The following ZNF493 variants were observed in gnomAD, a reference collection of about 807,000 sequenced individuals.
The protein encoded by ZNF493 is zinc finger protein 493.
Under a neutral mutation model 12.2 loss-of-function variants are expected in ZNF493, and 11 were observed. The observed-to-expected ratio is 0.90, with a 90% CI of 0.57 to 1.50. ZNF493 has a LOEUF of 1.50. Ranked by LOEUF, ZNF493 falls within the 40% of genes most tolerant of loss-of-function variation. The probability of loss-of-function intolerance (pLI) is 0.00; values close to 1 mark genes in which losing one functional copy is unlikely to be tolerated. For missense variants in ZNF493, 950 were observed against 906.6 expected, an observed-to-expected ratio of 1.05 and a Z score of -0.61; for synonymous variants, 286 against 302.6, an observed-to-expected ratio of 0.95 and a Z score of 0.57.
chr19:21,407,929 T>TA (rs747987202), intron 3 of ZNF493: 848 of 985,346 alleles, frequency 8.6e-4, no homozygotes, highest in Non-Finnish European at 8.3e-4. Flanking sequence ...AAACAACTCC[T>TA]TAAGTTTTTA....
chr19:21,397,394 G>A, intron 1 of ZNF493, 127 bp downstream of exon 1: 4 of 1,202,284 alleles, frequency 3.3e-6, no homozygotes, highest in Non-Finnish European at 4.9e-6. Flanking sequence ...AGTTCTCCTT[G>A]CCCAGCTCGG....
In ZNF493 at chr19:21,425,144, C is replaced by T; in HGVS notation, c.*160C>T. 1.1e-6 allele frequency: 1 copy of T among 885,050 alleles called. No individual in the cohort carries two copies. The highest frequency in any genetic ancestry group is 1.8e-6 in the Non-Finnish European group (1 of 545,112). 54.8% of individuals were successfully genotyped at this position (885,050 alleles called of 1,614,324 possible). A position where few individuals can be genotyped will look rare whatever the true frequency, so the allele number is the denominator to read the frequency against. On this transcript the variant is annotated 3_prime_UTR_variant, in exon 4 of 4. Coordinates refer to ENST00000392288, the MANE Select transcript of ZNF493 (RefSeq NM_001076678.3). ...GCAAAGATTTCTATTGATTCTCATA[C>T]CTTACTAAATATAAGATAATTCATA...
chr19:21,417,169 G>A (rs921753960), intron 3 of ZNF493, among the ~76,000 whole-genome samples: 29 of 152,062 alleles, frequency 1.9e-4, no homozygotes, highest in African/African-American at 7.0e-4. Context: ...TTTACATTTT[G>A]GACATATTTC....
rs755076238 is a variant in ZNF493, at chr19:21,424,446, C to T, written c.1787C>T (p.Thr596Ile). 2.5e-6 allele frequency: 4 copies of T among 1,613,342 alleles called. No homozygotes were observed. In the South Asian group the frequency reaches 4.4e-5, roughly 18 times the overall value. ...STLTKHKIIH[T>I]DKKPYKCEEC... ...CTTACTAAACACAAGATAATTCATA[C>T]TGATAAGAAACCCTACAAATGTGAA... is the stretch of plus-strand genomic sequence containing the variant. The change falls in exon 4 of 4, where the codon ACT becomes ATT. Residue 596 changes from threonine to isoleucine, a missense_variant. Thr to Ile is a moderately conservative substitution (Grantham distance 89). Coordinates refer to ENST00000392288, the MANE Select transcript of ZNF493 (RefSeq NM_001076678.3).
At chr19:21,404,064 A>T (rs1405302631) in intron 1 of ZNF493, among the ~76,000 whole-genome samples, 1 of 152,194 alleles carries the variant, frequency 6.6e-6, no homozygotes, top group Non-Finnish European at 1.5e-5. Context: ...TTCTCCATTA[A>T]TTCTATGCAG....
intron 1 of ZNF493, among the ~76,000 whole-genome samples, chr19:21,401,706 A>G (rs6511238): frequency 4.0e-5 from 6 of 151,224 alleles, no homozygotes; most frequent in East Asian, 2.0e-4. Flanking sequence ...GCTCACTGCA[A>G]CCTCCACCTC....
In ZNF493 at chr19:21,405,132, C is replaced by T. The variant is rs1423329016; in HGVS notation, c.34C>T (p.Pro12Ser). 3 of 1,612,442 alleles carry T rather than the reference C, an allele frequency of 1.9e-6. No homozygotes were observed. Among genetic ancestry groups the T allele is most frequent in the Non-Finnish European group, 2.5e-6 (3 of 1,179,446 alleles). Residue 12 changes from proline to serine, a missense_variant, in exon 2 of 4, where the codon CCG (proline) becomes TCG (serine). By Grantham distance (74) the Pro-to-Ser change is moderately conservative (BLOSUM62 -1). Transcript: ENST00000392288. ...PGPPESLDMG[P>S]LTFRDVAIEF... Reference sequence around the variant, plus strand: ...TGTTTGTGTGTGTTTGTTTCAGGGGCCGTTGACATTTAGGGATGTGGCCAT... The same window carrying T: ...TGTTTGTGTGTGTTTGTTTCAGGGGTCGTTGACATTTAGGGATGTGGCCAT...
intron 3 of ZNF493, among the ~76,000 whole-genome samples, chr19:21,420,158 C>T (rs1273552386): frequency 6.6e-6 from 1 of 152,152 alleles, no homozygotes; most frequent in East Asian, 1.9e-4. Context: ...TCTGGACCTC[C>T]TGATTATAAT....
At chr19:21,420,499 C>T (rs1172285782) in intron 3 of ZNF493, among the ~76,000 whole-genome samples, 2 of 141,134 alleles carry the variant, frequency 1.4e-5, no homozygotes, top group African/African-American at 2.6e-5. Context: ...AAGGCAGTGC[C>T]AATATACTTC....
At chr19:21,413,459 T>C (rs976510319) in intron 3 of ZNF493, 2 of 404,694 alleles carry the variant, frequency 4.9e-6, no homozygotes, top group Non-Finnish European at 8.7e-6. Context: ...TGTCCCACTT[T>C]CTTCAGGTTT....
At chr19:21,401,793 T>A (rs2029954529) in intron 1 of ZNF493, among the ~76,000 whole-genome samples, 1 of 151,506 alleles carries the variant, frequency 6.6e-6, no homozygotes, top group South Asian at 2.1e-4. Flanking sequence ...CCCAGCTAAT[T>A]TTTGTATTTT....
At chr19:21,404,956 A>G (rs1168588668) in intron 1 of ZNF493, among the ~76,000 whole-genome samples, 173 bp from the exon 2 acceptor site, 1 of 150,790 alleles carries the variant, frequency 6.6e-6, no homozygotes, top group Non-Finnish European at 1.5e-5. Flanking sequence ...TCTCAGAGTT[A>G]GAGAATACAT....
intron 3 of ZNF493, among the ~76,000 whole-genome samples, chr19:21,419,327 G>A (rs1458306245): frequency 6.6e-6 from 1 of 152,098 alleles, no homozygotes; most frequent in Admixed American, 6.6e-5. Flanking sequence ...TACCACAGGG[G>A]CCTTGTATTA....
chr19:21,408,592 G>A (rs1360528455), intron 3 of ZNF493: 4 of 984,856 alleles, frequency 4.1e-6, no homozygotes, highest in Admixed American at 6.2e-5. Flanking sequence ...TTTTTTAATG[G>A]TATATTAATG....
intron 3 of ZNF493, among the ~76,000 whole-genome samples, chr19:21,420,609 ATATATATATATATATTTTTTTTTTTTTTT>A (rs1345882803): frequency 1.1e-3 from 11 of 9,716 alleles, no homozygotes; most frequent in African/African-American, 6.9e-3. Context: ...ATATATATAT[ATATATATATATATATTTTTTTTTTTTTTT>A]TTTTTTTTTT....
intron 3 of ZNF493, chr19:21,412,792 A>G (rs981052586): frequency 2.1e-4 from 56 of 263,958 alleles, no homozygotes; most frequent in African/African-American, 1.1e-3. Flanking sequence ...TAATTTTGCA[A>G]TATCCAAAAA....
intron 3 of ZNF493, among the ~76,000 whole-genome samples, chr19:21,410,773 C>CA (rs1258135224): frequency 6.6e-6 from 1 of 151,404 alleles, no homozygotes; most frequent in Non-Finnish European, 1.5e-5. Flanking sequence ...TTTTTCATGT[C>CA]TAAGTTTTTT....
In ZNF493 at chr19:21,424,043, A is replaced by G. The variant is rs1568384055; in HGVS notation, c.1384A>G (p.Lys462Glu). 3.1e-6 allele frequency: 5 copies of G among 1,613,694 alleles called. No homozygotes were observed. The highest frequency in any genetic ancestry group is 4.2e-6 in the Non-Finnish European group (5 of 1,179,822). Residue 462 changes from lysine to glutamate, a missense_variant, in exon 4 of 4, where the codon AAA (lysine) becomes GAA (glutamate). By Grantham distance (56) the Lys-to-Glu change is moderately conservative. Transcript: ENST00000392288. ...AATTCATACAGAAGAGAAACCCTAC[A>G]AATGTGAAGAATGTGGCAAAGCTTT... ...KIIHTEEKPY[K>E]CEECGKAFKR...
intron 3 of ZNF493, among the ~76,000 whole-genome samples, chr19:21,419,683 T>C (rs1484045336): frequency 1.3e-5 from 2 of 152,172 alleles, no homozygotes; most frequent in African/African-American, 4.8e-5. Context: ...TAATCTCCCT[T>C]GGCAACACTC....
Sources: gnomAD v4.1 joint callset for allele counts (sites outside exome capture counted in the v4.1 genomes callset) on GRCh38, gnomAD v4.1.1 for gene constraint, MANE v1.5 for transcripts, NCBI Gene and HGNC (gene_info 2026-07-23, HGNC 2026-07-21) for gene names.